FABP7: variants seen among roughly 807,000 people sequenced by gnomAD.
FABP7 encodes the protein fatty acid-binding protein, brain.
A neutral mutation model predicts 14.2 loss-of-function variants in FABP7; 13 were observed. The observed-to-expected ratio is 0.91, with a 90% CI of 0.59 to 1.45. The LOEUF is 1.45. FABP7 is among the 40% of genes most tolerant of loss of function. The probability of loss-of-function intolerance (pLI) is 0.00; values close to 1 mark genes in which losing one functional copy is unlikely to be tolerated. For missense variants in FABP7, 149 were observed against 157.6 expected (o/e 0.95, Z 0.29); for synonymous variants, 49 against 51.4 (o/e 0.95, Z 0.20).
chr6:122,762,611 G>A, the FABP7 span, among the ~76,000 whole-genome samples: 3 of 152,322 alleles, frequency 2.0e-5, no homozygotes, highest in South Asian at 6.2e-4. Flanking sequence ...GTCCCTGTTT[G>A]CAGATGACAT....
intron 1 of FABP7, 100 bp from the exon 2 acceptor site, chr6:122,780,191 A>G: frequency 8.1e-7 from 1 of 1,239,464 alleles, no homozygotes; most frequent in Non-Finnish European, 1.2e-6. Flanking sequence ...AATGAAACTT[A>G]CACTTTAGAA....
the FABP7 span, among the ~76,000 whole-genome samples, chr6:122,757,893 T>G: frequency 6.6e-6 from 1 of 152,058 alleles, no homozygotes; most frequent in Non-Finnish European, 1.5e-5. Flanking sequence ...TTATATAAAA[T>G]GAGATAGAAT....
chr6:122,768,950 T>C, the FABP7 span, among the ~76,000 whole-genome samples: 3 of 152,140 alleles, frequency 2.0e-5, no homozygotes, highest in Admixed American at 6.6e-5. Flanking sequence ...ACAGGTTTTG[T>C]ATTTTTGCAA....
chr6:122,775,288 G>T (rs1003676313), upstream of FABP7, among the ~76,000 whole-genome samples: 3 of 152,028 alleles, frequency 2.0e-5, no homozygotes, highest in South Asian at 2.1e-4. Flanking sequence ...GTAACAAAAA[G>T]TGCATAGTAC....
the FABP7 span, among the ~76,000 whole-genome samples, chr6:122,750,644 A>T: frequency 1.3e-5 from 2 of 152,214 alleles, no homozygotes; most frequent in African/African-American, 4.8e-5. Flanking sequence ...GTTTAATGGT[A>T]TGTGAGCCTT....
At chr6:122,782,706 T>A in intron 3 of FABP7, 1 of 985,410 alleles carries the variant, frequency 1.0e-6, no homozygotes, top group Non-Finnish European at 1.2e-6. Context: ...AAAGTTTTGT[T>A]GTTTAAGAAT....
At chr6:122,757,278 C>T in the FABP7 span, among the ~76,000 whole-genome samples, 44 of 152,244 alleles carry the variant, frequency 2.9e-4, no homozygotes, top group Non-Finnish European at 5.7e-4. Context: ...AGTGGAATTA[C>T]AATTCAATCA....
chr6:122,778,800 CAG>C (rs1780715690), upstream of FABP7, among the ~76,000 whole-genome samples: 2 of 152,202 alleles, frequency 1.3e-5, no homozygotes, highest in Non-Finnish European at 2.9e-5. Flanking sequence ...CAAATGTACA[CAG>C]ATTGTATTTG....
chr6:122,751,227 C>T, the FABP7 span, among the ~76,000 whole-genome samples: 4 of 152,140 alleles, frequency 2.6e-5, no homozygotes, highest in Admixed American at 1.3e-4. Flanking sequence ...AAAGTGAGTA[C>T]TATAGTGGTA....
chr6:122,772,082 T>C, the FABP7 span, among the ~76,000 whole-genome samples: 1 of 152,186 alleles, frequency 6.6e-6, no homozygotes, highest in African/African-American at 2.4e-5. Flanking sequence ...AATGAAACCA[T>C]AGGATGACAT....
At chr6:122,781,909 AT>A in intron 3 of FABP7, 5 of 423,498 alleles carry the variant, frequency 1.2e-5, no homozygotes, top group Non-Finnish European at 1.6e-5. Flanking sequence ...CGCCGGGCTA[AT>A]TTTTTTGTAT....
Position 122,783,748 on chromosome 6 carries a change from G to A in FABP7, c.380G>A (p.Arg127His), listed in dbSNP as rs903265251. Reference protein sequence around the residue: ...TLTFGDVVAVRHYEKA With the variant: ...TLTFGDVVAVHHYEKA ...ACTTTTGGTGATGTGGTTGCTGTTC[G>A]CCACTATGAGAAGGCATAAAAATGT... Residue 127 changes from arginine to histidine, a missense_variant, in exon 4 of 4, where the codon CGC becomes CAC. Transcript: ENST00000368444. The A allele has an allele frequency of 6.2e-7, 1 of 1,607,054 alleles. No individual in the cohort carries two copies. The highest frequency in any genetic ancestry group is 8.5e-7 in the Non-Finnish European group (1 of 1,177,878).
chr6:122,766,629 A>G, the FABP7 span, among the ~76,000 whole-genome samples: 3 of 152,220 alleles, frequency 2.0e-5, no homozygotes, highest in South Asian at 4.1e-4. Flanking sequence ...CAGGAATTTT[A>G]GGGAAAGGTT....
chr6:122,762,712 T>C, the FABP7 span, among the ~76,000 whole-genome samples: 2 of 152,212 alleles, frequency 1.3e-5, no homozygotes, highest in Admixed American at 6.5e-5. Flanking sequence ...ACAAAATCAA[T>C]GTGCAAAAAT....
At chr6:122,763,303 T>C in the FABP7 span, among the ~76,000 whole-genome samples, 13 of 152,184 alleles carry the variant, frequency 8.5e-5, no homozygotes, top group Non-Finnish European at 1.6e-4. Context: ...ATTCCCTATT[T>C]AATAAATGGT....
upstream of FABP7, among the ~76,000 whole-genome samples, chr6:122,776,046 T>C (rs1029722485): frequency 6.6e-6 from 1 of 151,834 alleles, no homozygotes; most frequent in Admixed American, 6.6e-5. Flanking sequence ...AGTAAGAATG[T>C]TGATAAAGGG....
chr6:122,780,212 A>G (rs996734254), intron 1 of FABP7, 79 bp from the exon 2 acceptor site: 18 of 1,461,142 alleles, frequency 1.2e-5, no homozygotes, highest in Non-Finnish European at 1.7e-5. Context: ...CGTGGATTCC[A>G]GAATCAGAAA....
intron 3 of FABP7, chr6:122,782,087 GT>G (rs1251623954): frequency 3.5e-5 from 34 of 985,102 alleles, no homozygotes; most frequent in Non-Finnish European, 4.1e-5. Flanking sequence ...CTTCTTTCCA[GT>G]TTTTTTCTCG....
At chr6:122,750,861 G>A in the FABP7 span, among the ~76,000 whole-genome samples, 1 of 152,200 alleles carries the variant, frequency 6.6e-6, no homozygotes, top group Non-Finnish European at 1.5e-5. Context: ...GAGAGACTAC[G>A]CTGAAAAGTT....
Sources: gnomAD v4.1 joint callset for allele counts (sites outside exome capture counted in the v4.1 genomes callset) on GRCh38, gnomAD v4.1.1 for gene constraint, MANE v1.5 for transcripts, NCBI Gene and HGNC (gene_info 2026-07-23, HGNC 2026-07-21) for gene names.